Variants in AP4M1 observed in about 807,000 individuals in gnomAD.
AP4M1 encodes AP-4 complex subunit mu-1.
A neutral mutation model predicts 62.4 loss-of-function variants in AP4M1; 58 were observed. The ratio of observed to expected loss-of-function variants is 0.93; its 90% CI spans 0.75 to 1.16. The LOEUF is 1.16. Ranked by LOEUF, AP4M1 falls within the 50% of genes most tolerant of loss-of-function variation. The probability of loss-of-function intolerance (pLI) is 0.00; values close to 1 mark genes in which losing one functional copy is unlikely to be tolerated. For synonymous variants in AP4M1, 290 were observed against 239.7 expected (o/e 1.21, Z -1.94); for missense variants, 626 against 585.4 (o/e 1.07, Z -0.72).
rs551847933 is a variant in AP4M1 at position 100,105,576 on chromosome 7, AC to A, written c.929+40del. The A allele has an allele frequency of 1.5e-5, 24 of 1,573,996 alleles. No homozygotes were observed. In the African/African-American group the frequency reaches 2.7e-4, roughly 18 times the overall value. On this transcript the variant is annotated intron_variant, in intron 11 of 14. Coordinates refer to ENST00000359593, the MANE Select transcript of AP4M1 (RefSeq NM_004722.4). ...TCCTGGGTTCTAGAACTACCTTGGA[AC>A]CCAAGCCAAGACCTGTATGTTCCCA...
At position 100,101,885 on chromosome 7, in the gene AP4M1, G is replaced by C. The variant is rs1041739986; in HGVS notation, c.64G>C (p.Gly22Arg). ...GDPLIYKDFR[G>R]DSGGRDVAEL... ...TGAGTCCTTCCACCCGCCAGTCCGC[G>C]GGGACAGTGGCGGCCGGGATGTGGC... is the stretch of plus-strand genomic sequence containing the variant. The change falls in exon 2 of 15, where the codon GGG (glycine) becomes CGG (arginine). Residue 22 changes from glycine (G) to arginine (R), a missense_variant. Coordinates refer to ENST00000359593, the MANE Select transcript of AP4M1 (RefSeq NM_004722.4). 1.2e-6 allele frequency: 2 copies of C among 1,613,284 alleles called. No homozygotes were observed. The highest frequency in any genetic ancestry group is 1.7e-5 in the Admixed American group (1 of 60,006).
rs1220850887 is a variant in AP4M1 at position 100,105,373 on chromosome 7, TC to T, written c.834+29del. 2.5e-6 allele frequency: 4 copies of T among 1,613,712 alleles called. No individual in the cohort carries two copies. In the South Asian group the frequency reaches 3.3e-5, roughly 13 times the overall value. ...TCAGGGTTGGGGTGGCCTCATAAAT[TC>T]CGTCCACCATGGGGAAGGGGGCAGT... On this transcript the variant is annotated intron_variant, in intron 10 of 14. Coordinates refer to ENST00000359593, the MANE Select transcript of AP4M1 (RefSeq NM_004722.4).
At chr7:100,103,571 G>T in intron 5 of AP4M1, 41 bp from the exon 6 acceptor site, 2 of 1,613,960 alleles carry the variant, frequency 1.2e-6, no homozygotes, top group Non-Finnish European at 8.5e-7. Flanking sequence ...GTTGGCTGGG[G>T]TTGTCAGACC....
rs775696735 is a variant in AP4M1 at position 100,105,948 on chromosome 7, C to G, written c.930-11C>G. Reference sequence around the variant, plus strand: ...ATGGCCTGAGTCGTGGTGTTTTACCCTCTCATCCAGGCTCCAGGTTTATCT... The same window carrying G: ...ATGGCCTGAGTCGTGGTGTTTTACCGTCTCATCCAGGCTCCAGGTTTATCT... On this transcript the variant is annotated splice_polypyrimidine_tract_variant and intron_variant, in intron 11 of 14. Transcript: ENST00000359593. 1.6e-5 allele frequency: 26 copies of G among 1,614,154 alleles called. No individual in the cohort carries two copies. Among genetic ancestry groups the G allele is most frequent in the Non-Finnish European group, 2.0e-5 (24 of 1,180,012 alleles).
intron 9 of AP4M1, 63 bp downstream of exon 9, chr7:100,105,161 G>A: frequency 6.2e-7 from 1 of 1,612,682 alleles, no homozygotes; most frequent in Admixed American, 1.7e-5. Context: ...ATGGAGAGAA[G>A]TCAGACAGAG....
In AP4M1 at chr7:100,107,791, A is replaced by G; in HGVS notation, c.*909A>G. ...TCATGCAGGGCAGCTACAGCCCTGC[A>G]GGACCCTGGTGGGCGCCTCTTCCAG... On this transcript the variant is annotated 3_prime_UTR_variant, in exon 15 of 15. Coordinates refer to ENST00000359593, the MANE Select transcript of AP4M1 (RefSeq NM_004722.4). The G allele has an allele frequency of 7.2e-7, 1 of 1,388,248 alleles. No homozygotes were observed. The highest frequency in any genetic ancestry group is 9.7e-7 in the Non-Finnish European group (1 of 1,036,216). 86.0% of individuals were successfully genotyped at this position (1,388,248 alleles called of 1,614,324 possible).
In AP4M1 at chr7:100,107,062, G is replaced by A. The variant is rs1796574624; in HGVS notation, c.*180G>A. On this transcript the variant is annotated 3_prime_UTR_variant, in exon 15 of 15. Transcript: ENST00000359593. ...TGTGGTATCTGATGCAGGAAGGACT[G>A]CAGTGGATCAGAACTTACAAACCAA... 1 of 1,197,394 alleles carries A rather than the reference G, an allele frequency of 8.4e-7. No individual in the cohort carries two copies. The highest frequency in any genetic ancestry group is 1.3e-5 in the South Asian group (1 of 75,258). The allele number at this position is 1,197,394 out of a possible 1,614,324, so 74.2% of individuals were successfully genotyped here.
rs1036130673 is a variant in AP4M1 at position 100,103,256 on chromosome 7, C to T, written c.352-153C>T. ...CTAGAGTCTCACTGTGTTGCCCAGG[C>T]TGGTCTTGAACTCATGGCCTCAAGC... On this transcript the variant is annotated intron_variant, in intron 4 of 14. Coordinates refer to ENST00000359593, the MANE Select transcript of AP4M1 (RefSeq NM_004722.4). The T allele has an allele frequency of 4.1e-6, 3 of 735,898 alleles. No individual in the cohort carries two copies. In the Admixed American group the frequency reaches 6.0e-5, roughly 15 times the overall value. 45.6% of individuals were successfully genotyped at this position (735,898 alleles called of 1,614,324 possible).
upstream of AP4M1, chr7:100,101,273 G>C: frequency 4.3e-6 from 7 of 1,613,250 alleles, no homozygotes; most frequent in East Asian, 2.2e-5. Context: ...CCCTTCTCTA[G>C]CGCGTAGTCC....
chr7:100,100,934 G>A, upstream of AP4M1: 1 of 1,005,186 alleles, frequency 9.9e-7, no homozygotes, highest in South Asian at 3.5e-5. Context: ...GCGGGCACGG[G>A]AGCCCAGAGC....
rs777377185 is a variant in AP4M1 at position 100,102,719 on chromosome 7, C to CTA, written c.194_195dup (p.Leu66IlefsTer16). On this transcript the variant is annotated frameshift_variant, in exon 3 of 15. Coordinates refer to ENST00000359593, the MANE Select transcript of AP4M1 (RefSeq NM_004722.4). LOFTEE classifies it high-confidence loss of function. Reference sequence around the variant, plus strand: ...TCATTCACATCAGACACAGCGGCCTCTATTTGGTGGTCACAACTTCAGAAA... The same window carrying CTA: ...TCATTCACATCAGACACAGCGGCCTCTATATTTGGTGGTCACAACTTCAGAAA... 6.2e-7 allele frequency: 1 copy of CTA among 1,614,186 alleles called. No individual in the cohort carries two copies. The highest frequency in any genetic ancestry group is 8.5e-7 in the Non-Finnish European group (1 of 1,180,018).
intron 4 of AP4M1, 68 bp from the exon 5 acceptor site, chr7:100,103,341 T>C (rs1426645056): frequency 3.7e-5 from 50 of 1,340,802 alleles, no homozygotes; most frequent in Non-Finnish European, 3.2e-6. Flanking sequence ...TCACCATGCC[T>C]GGCCCCACTC....
In AP4M1 at chr7:100,107,008, C is replaced by T. The variant is rs999269472; in HGVS notation, c.*126C>T. 1.6e-6 allele frequency: 2 copies of T among 1,284,344 alleles called. No homozygotes were observed. The highest frequency in any genetic ancestry group is 1.5e-5 in the African/African-American group (1 of 68,004). The allele number at this position is 1,284,344 out of a possible 1,614,324, so 79.6% of individuals were successfully genotyped here. A position where few individuals can be genotyped will look rare whatever the true frequency, so the allele number is the denominator to read the frequency against. On this transcript the variant is annotated 3_prime_UTR_variant, in exon 15 of 15. Coordinates refer to ENST00000359593, the MANE Select transcript of AP4M1 (RefSeq NM_004722.4). ...GCAGGAAGAGTCCTCAGTCCCAAGA[C>T]CAGGAGGGGGCAATGGGCCCAGCCT...
At chr7:100,104,025 C>G (rs1419324771) in intron 6 of AP4M1, 67 bp from the exon 7 acceptor site, 1 of 1,417,598 alleles carries the variant, frequency 7.1e-7, no homozygotes, top group African/African-American at 1.4e-5. Flanking sequence ...GTTCTTTCTC[C>G]CTGTCTGTCC....
chr7:100,107,722 T>G lies in AP4M1; in HGVS notation c.*840T>G. On this transcript the variant is annotated 3_prime_UTR_variant, in exon 15 of 15. Coordinates refer to ENST00000359593, the MANE Select transcript of AP4M1 (RefSeq NM_004722.4). ...ACTCGCTCCCTGCCTGAACAAGTTG[T>G]TCCTGTAGTTCACCCTGTAGACAGC... 6.6e-7 allele frequency: 1 copy of G among 1,508,172 alleles called. No homozygotes were observed. The highest frequency in any genetic ancestry group is 1.4e-5 in the African/African-American group (1 of 71,326). 93.4% of individuals were successfully genotyped at this position (1,508,172 alleles called of 1,614,324 possible). A position where few individuals can be genotyped will look rare whatever the true frequency, so the allele number is the denominator to read the frequency against.
rs1796532514 is a variant in AP4M1, at chr7:100,106,693, T to C, written c.1173T>C (p.His391=). The change falls in exon 15 of 15, where the codon CAT becomes CAC. Residue 391 remains histidine (H), a synonymous_variant. Coordinates refer to ENST00000359593, the MANE Select transcript of AP4M1 (RefSeq NM_004722.4). ...DVPGPPGPPS[H]GLSTSASPLG... is the part of the protein sequence containing the mutation. ...CAGGGCCCCCAGGACCTCCCAGCCATGGGCTCTCCACCTCGGCCTCTCCTC... is the reference window on the plus strand; with the variant it reads ...CAGGGCCCCCAGGACCTCCCAGCCACGGGCTCTCCACCTCGGCCTCTCCTC... The C allele has an allele frequency of 1.9e-6, 3 of 1,613,210 alleles. No individual in the cohort carries two copies. Among genetic ancestry groups the C allele is most frequent in the Admixed American group, 1.7e-5 (1 of 59,940 alleles).
intron 9 of AP4M1, 60 bp from the exon 10 acceptor site, chr7:100,105,180 C>A: frequency 1.2e-6 from 2 of 1,611,956 alleles, no homozygotes; most frequent in Non-Finnish European, 1.7e-6. Context: ...AGCCTCCCCT[C>A]TCCTTGCTCC....
Position 100,107,676 on chromosome 7 carries a change from G to C in AP4M1, c.*794G>C, listed in dbSNP as rs1796682764. 2 of 1,587,462 alleles carry C rather than the reference G, an allele frequency of 1.3e-6. No individual in the cohort carries two copies. ...TGCCCTGTGCCCTCCCTGCCCCCCA[G>C]AGGCCTGGCGAGGACGCTTCACTCG... On this transcript the variant is annotated 3_prime_UTR_variant, in exon 15 of 15. Transcript: ENST00000359593.
chr7:100,101,307 C>T, upstream of AP4M1: 1 of 1,613,180 alleles, frequency 6.2e-7, no homozygotes, highest in Non-Finnish European at 8.5e-7. Flanking sequence ...CTGCCGAGGG[C>T]CGTGCGGCCG....
Sources: allele counts gnomAD v4.1 joint callset, GRCh38; gene constraint gnomAD v4.1.1; transcripts MANE v1.5; gene names NCBI Gene and HGNC (gene_info 2026-07-23, HGNC 2026-07-21).